Variants in CHAMP1 observed in about 807,000 individuals in gnomAD.
CHAMP1 encodes chromosome alignment-maintaining phosphoprotein 1.
CHAMP1 carries 4 observed loss-of-function variants against 54.5 expected under a neutral mutation model. The observed-to-expected ratio is 0.07, with a 90% CI of 0.04 to 0.17. The LOEUF (loss-of-function observed/expected upper bound fraction) is 0.17. Among genes scored for constraint, CHAMP1 ranks in the 10% least tolerant of loss-of-function variants. CHAMP1 has a pLI of 1.00. For missense variants in CHAMP1, 994 were observed against 968.6 expected, an observed-to-expected ratio of 1.03 and a Z score of -0.35; for synonymous variants, 368 against 342.2, an observed-to-expected ratio of 1.08 and a Z score of -0.83.
In CHAMP1 at chr13:114,324,546, A is replaced by T; in HGVS notation, c.704A>T (p.Glu235Val). ...PKPQKQSHFP[E>V]TLGPPSASSP... ...CCCCAGAAGCAGTCTCATTTCCCGG[A>T]AACATTGGGGCCACCTTCAGCCTCA... Residue 235 changes from glutamate (E) to valine (V), a missense_variant, in exon 3 of 3, where the codon GAA becomes GTA. Glu to Val is a moderately radical substitution (Grantham distance 121). Around this residue, in one of 3 missense-constraint regions of CHAMP1, gnomAD observed 851 missense variants for 701.3 expected, o/e 1.21. Coordinates refer to ENST00000361283, the MANE Select transcript of CHAMP1 (RefSeq NM_032436.4). 6.2e-7 allele frequency: 1 copy of T among 1,614,078 alleles called. No homozygotes were observed. Among genetic ancestry groups the T allele is most frequent in the Non-Finnish European group, 8.5e-7 (1 of 1,180,030 alleles).
At position 114,324,335 on chromosome 13, in the gene CHAMP1, C is replaced by T. The variant is rs1163932901; in HGVS notation, c.493C>T (p.Pro165Ser). The change falls in exon 3 of 3, where the codon CCT becomes TCT. Residue 165 changes from proline to serine, a missense_variant. Pro to Ser is a moderately conservative substitution (Grantham distance 74). Coordinates refer to ENST00000361283, the MANE Select transcript of CHAMP1 (RefSeq NM_032436.4). Reference sequence around the variant, plus strand: ...TCAGAAACCTGGCTCTGTTGTTTCTCCTGAGCTACAGACACCTCTTCCTTC... The same window carrying T: ...TCAGAAACCTGGCTCTGTTGTTTCTTCTGAGCTACAGACACCTCTTCCTTC... ...EPQKPGSVVS[P>S]ELQTPLPSPE... 55 of 1,614,008 alleles carry T rather than the reference C, an allele frequency of 3.4e-5. No homozygotes were observed. The highest frequency in any genetic ancestry group is 4.2e-5 in the Non-Finnish European group (50 of 1,180,022).
intron 1 of CHAMP1, 90 bp downstream of exon 1, chr13:114,314,733 C>T (rs2087073885): frequency 6.6e-6 from 1 of 152,122 alleles, no homozygotes; most frequent in South Asian, 2.1e-4. Flanking sequence ...GGGACGGTCC[C>T]GGGAAGCCGC....
intron 1 of CHAMP1, among the ~76,000 whole-genome samples, chr13:114,320,887 C>T (rs1281968720): frequency 6.6e-6 from 1 of 150,984 alleles, no homozygotes; most frequent in African/African-American, 2.4e-5. Context: ...ACCCTGGAGG[C>T]GGAGCTTGCA....
In CHAMP1 at chr13:114,324,269, C is replaced by A. The variant is rs782232019; in HGVS notation, c.427C>A (p.Pro143Thr). ...ACAGAAACTTGGTTCAGTTTTGTCTCCAGAATCGCCAAAACCTACTCCTCT... is the reference window on the plus strand; with the variant it reads ...ACAGAAACTTGGTTCAGTTTTGTCTACAGAATCGCCAAAACCTACTCCTCT... ...ETQKLGSVLSPESPKPTPLTP... is the reference protein window; with the variant it reads ...ETQKLGSVLSTESPKPTPLTP... Residue 143 changes from proline (P) to threonine (T), a missense_variant, in exon 3 of 3, where the codon CCA becomes ACA. Transcript: ENST00000361283. 1 of 1,614,158 alleles carries A rather than the reference C, an allele frequency of 6.2e-7. No individual in the cohort carries two copies. Among genetic ancestry groups the A allele is most frequent in the Admixed American group, 1.7e-5 (1 of 60,016 alleles).
intron 1 of CHAMP1, among the ~76,000 whole-genome samples, chr13:114,318,196 AGT>A (rs1488592373): frequency 7.2e-5 from 11 of 152,128 alleles, no homozygotes; most frequent in African/African-American, 2.7e-4. Context: ...CTCTGACCTC[AGT>A]GTTGTGATCT....
At chr13:114,317,728 TAAA>T (rs761480449) in intron 1 of CHAMP1, among the ~76,000 whole-genome samples, 3 of 152,186 alleles carry the variant, frequency 2.0e-5, no homozygotes, top group Non-Finnish European at 2.9e-5. Flanking sequence ...AATTTTAATT[TAAA>T]AAACTATGCA....
Position 114,326,415 on chromosome 13 carries a change from TACTA to T in CHAMP1, c.*136_*139del, listed in dbSNP as rs1309683413. 2.0e-6 allele frequency: 2 copies of T among 1,020,222 alleles called. No individual in the cohort carries two copies. The highest frequency in any genetic ancestry group is 1.6e-5 in the African/African-American group (1 of 60,820). 63.2% of individuals were successfully genotyped at this position (1,020,222 alleles called of 1,614,324 possible). ...CCGTGTTTCACTGTCTCAGTTGTGT[TACTA>T]AGAATGAGCATTTGATCATTTTTTT... On this transcript the variant is annotated 3_prime_UTR_variant, in exon 3 of 3. Transcript: ENST00000361283.
intron 1 of CHAMP1, among the ~76,000 whole-genome samples, chr13:114,320,878 C>G (rs2087159132): frequency 6.6e-6 from 1 of 151,752 alleles, no homozygotes; most frequent in Admixed American, 6.6e-5. Context: ...ATGGCATGAA[C>G]CCTGGAGGCG....
chr13:114,325,961 G>C lies in CHAMP1; in HGVS notation c.2119G>C (p.Gly707Arg). Residue 707 changes from glycine (G) to arginine (R), a missense_variant, in exon 3 of 3, where the codon GGA becomes CGA. Transcript: ENST00000361283. ...EIAKYMKRGK[G>R]KYYCKICCCR... Reference sequence around the variant, plus strand: ...TGCAAAATACATGAAGCGTGGAAAAGGAAAGTATTATTGCAAAATTTGTTG... The same window carrying C: ...TGCAAAATACATGAAGCGTGGAAAACGAAAGTATTATTGCAAAATTTGTTG... 1 of 1,614,108 alleles carries C rather than the reference G, an allele frequency of 6.2e-7. No individual in the cohort carries two copies. The highest frequency in any genetic ancestry group is 8.5e-7 in the Non-Finnish European group (1 of 1,180,016).
rs1555380060 is a variant in CHAMP1 at position 114,326,628 on chromosome 13, A to G, written c.*347A>G. The G allele has an allele frequency of 5.1e-6, 1 of 194,282 alleles. No individual in the cohort carries two copies. Among genetic ancestry groups the G allele is most frequent in the African/African-American group, 2.3e-5 (1 of 42,604 alleles). The allele number at this position is 194,282 out of a possible 1,614,324, so 12.0% of individuals were successfully genotyped here. On this transcript the variant is annotated 3_prime_UTR_variant, in exon 3 of 3. Coordinates refer to ENST00000361283, the MANE Select transcript of CHAMP1 (RefSeq NM_032436.4). ...TTAAAGTGTATCTGTGTGTGGAACT[A>G]ATTTCAGACAATAGAAAATATTAGT...
intron 1 of CHAMP1, among the ~76,000 whole-genome samples, chr13:114,320,681 G>A (rs2087155417): frequency 6.6e-6 from 1 of 152,140 alleles, no homozygotes; most frequent in East Asian, 1.9e-4. Flanking sequence ...TTCGGGCTGG[G>A]CGCGGTGGCT....
chr13:114,325,401 C>G lies in CHAMP1; in HGVS notation c.1559C>G (p.Ser520Cys). 1 of 1,614,138 alleles carries G rather than the reference C, an allele frequency of 6.2e-7. No homozygotes were observed. Among genetic ancestry groups the G allele is most frequent in the Non-Finnish European group, 8.5e-7 (1 of 1,180,036 alleles). The change falls in exon 3 of 3, where the codon TCT (serine) becomes TGT (cysteine). Residue 520 changes from serine (S) to cysteine (C), a missense_variant. Around this residue, in one of 3 missense-constraint regions of CHAMP1, gnomAD observed 851 missense variants for 701.3 expected, o/e 1.21. Coordinates refer to ENST00000361283, the MANE Select transcript of CHAMP1 (RefSeq NM_032436.4). ...TCAGATATCTGGAAGCCTGTTCTCT[C>G]TATCGATACTGAGCCTAGAAAACCT... ...AASDIWKPVL[S>C]IDTEPRKPAL...
In CHAMP1 at chr13:114,324,722, C is replaced by G; in HGVS notation, c.880C>G (p.Pro294Ala). 6.2e-7 allele frequency: 1 copy of G among 1,613,846 alleles called. No individual in the cohort carries two copies. Among genetic ancestry groups the G allele is most frequent in the Non-Finnish European group, 8.5e-7 (1 of 1,179,838 alleles). ...GTCTCCTGAACCTTGGAAGCCGTTC[C>G]CTGCTGTCTCCCCAGAGCCTAGGAG... Reference protein sequence around the residue: ...SESPEPWKPFPAVSPEPRRPA... With the variant: ...SESPEPWKPFAAVSPEPRRPA... The change falls in exon 3 of 3, where the codon CCT becomes GCT. Residue 294 changes from proline (P) to alanine (A), a missense_variant. By Grantham distance (27) the Pro-to-Ala change is conservative. Around this residue, in one of 3 missense-constraint regions of CHAMP1, gnomAD observed 851 missense variants for 701.3 expected, o/e 1.21. Coordinates refer to ENST00000361283, the MANE Select transcript of CHAMP1 (RefSeq NM_032436.4).
At position 114,325,406 on chromosome 13, in the gene CHAMP1, G is replaced by A. The variant is rs781818310; in HGVS notation, c.1564G>A (p.Asp522Asn). The A allele has an allele frequency of 3.7e-6, 6 of 1,613,874 alleles. No individual in the cohort carries two copies. Among genetic ancestry groups the A allele is most frequent in the African/African-American group, 2.7e-5 (2 of 74,836 alleles). Residue 522 changes from aspartate (D) to asparagine (N), a missense_variant, in exon 3 of 3, where the codon GAT (aspartate) becomes AAT (asparagine). By Grantham distance (23) the Asp-to-Asn change is conservative (BLOSUM62 1). Transcript: ENST00000361283. ...TATCTGGAAGCCTGTTCTCTCTATC[G>A]ATACTGAGCCTAGAAAACCTGCCCT... is the stretch of plus-strand genomic sequence containing the variant. ...SDIWKPVLSI[D>N]TEPRKPALFP...
chr13:114,320,955 C>CAAAAAAAAAAAAAAA (rs1233050968), intron 1 of CHAMP1, among the ~76,000 whole-genome samples, 155 bp from the exon 2 acceptor site: 1 of 122,464 alleles, frequency 8.2e-6, no homozygotes, highest in African/African-American at 3.2e-5. Flanking sequence ...GACTCTGTCT[C>CAAAAAAAAAAAAAAA]AAAAAAAAAA....
At position 114,325,965 on chromosome 13, in the gene CHAMP1, A is replaced by G; in HGVS notation, c.2123A>G (p.Lys708Arg). Residue 708 changes from lysine (K) to arginine (R), a missense_variant, in exon 3 of 3, where the codon AAG becomes AGG. Transcript: ENST00000361283. ...IAKYMKRGKG[K>R]YYCKICCCRA... Reference sequence around the variant, plus strand: ...AAATACATGAAGCGTGGAAAAGGAAAGTATTATTGCAAAATTTGTTGCTGT... The same window carrying G: ...AAATACATGAAGCGTGGAAAAGGAAGGTATTATTGCAAAATTTGTTGCTGT... The G allele has an allele frequency of 6.2e-7, 1 of 1,614,222 alleles. No individual in the cohort carries two copies. Among genetic ancestry groups the G allele is most frequent in the Non-Finnish European group, 8.5e-7 (1 of 1,180,040 alleles).
At position 114,327,109 on chromosome 13, in the gene CHAMP1, T is replaced by C. The variant is rs2087261437; in HGVS notation, c.*828T>C. 6.0e-6 allele frequency: 1 copy of C among 166,216 alleles called. No individual in the cohort carries two copies. Among genetic ancestry groups the C allele is most frequent in the Admixed American group, 6.6e-5 (1 of 15,106 alleles). The allele number at this position is 166,216 out of a possible 1,614,324, so 10.3% of individuals were successfully genotyped here. A position where few individuals can be genotyped will look rare whatever the true frequency, so the allele number is the denominator to read the frequency against. Reference sequence around the variant, plus strand: ...ACTCCTGGGCCTTACATGTCGCCTGTTGGGGCTTAAGACCAGGTTGATAAG... The same window carrying C: ...ACTCCTGGGCCTTACATGTCGCCTGCTGGGGCTTAAGACCAGGTTGATAAG... On this transcript the variant is annotated 3_prime_UTR_variant, in exon 3 of 3. Transcript: ENST00000361283.
At chr13:114,318,914 C>CT (rs2087136315) in intron 1 of CHAMP1, among the ~76,000 whole-genome samples, 1 of 98,084 alleles carries the variant, frequency 1.0e-5, no homozygotes, top group Non-Finnish European at 1.8e-5. Context: ...TAGAGACTCT[C>CT]TTAAAGTGTC....
In CHAMP1 at chr13:114,325,230, T is replaced by C. The variant is rs1555379754; in HGVS notation, c.1388T>C (p.Leu463Pro). ...PDQRKTSPASLDFPESQKSSR... is the reference protein window; with the variant it reads ...PDQRKTSPASPDFPESQKSSR... Reference sequence around the variant, plus strand: ...CAGCGGAAAACTTCTCCTGCTTCACTTGATTTCCCTGAGTCCCAGAAAAGT... The same window carrying C: ...CAGCGGAAAACTTCTCCTGCTTCACCTGATTTCCCTGAGTCCCAGAAAAGT... The change falls in exon 3 of 3, where the codon CTT becomes CCT. Residue 463 changes from leucine to proline, a missense_variant. By Grantham distance (98) the Leu-to-Pro change is moderately conservative. Transcript: ENST00000361283. 6.2e-7 allele frequency: 1 copy of C among 1,614,156 alleles called. No individual in the cohort carries two copies. Among genetic ancestry groups the C allele is most frequent in the East Asian group, 2.2e-5 (1 of 44,884 alleles).
Sources: gnomAD v4.1 joint callset for allele counts (sites outside exome capture counted in the v4.1 genomes callset) on GRCh38, gnomAD v4.1.1 for gene constraint, gnomAD v4.1.1 regional missense constraint, MANE v1.5 for transcripts, NCBI Gene and HGNC (gene_info 2026-07-23, HGNC 2026-07-21) for gene names.